The following SPATA31F3 variants were observed in gnomAD, a reference collection of about 807,000 sequenced individuals.
SPATA31F3 encodes protein SPATA31F3.
At chr9:34,892,818 CT>C in the SPATA31F3 span, 1 of 676,236 alleles carries the variant, frequency 1.5e-6, no homozygotes, top group South Asian at 1.6e-5. Context: ...GCCCAGGAAT[CT>C]TGGACGCTGT....
chr9:34,894,369 A>G, the SPATA31F3 span: 2 of 398,088 alleles, frequency 5.0e-6, no homozygotes, highest in Non-Finnish European at 8.9e-6. Context: ...TCTCATCTCT[A>G]CCCCAAGCCA....
chr9:34,891,059 G>C, the SPATA31F3 span, among the ~76,000 whole-genome samples: 1 of 152,170 alleles, frequency 6.6e-6, no homozygotes, highest in Non-Finnish European at 1.5e-5. Context: ...ACATAATAGA[G>C]AGCAGGCAGC....
the SPATA31F3 span, chr9:34,893,066 TC>T: frequency 1.0e-6 from 1 of 969,952 alleles, no homozygotes; most frequent in Non-Finnish European, 1.5e-6. Context: ...TTGCTTAATC[TC>T]CAGAGCCATA....
the SPATA31F3 span, among the ~76,000 whole-genome samples, chr9:34,895,408 A>G: frequency 1.3e-5 from 2 of 152,214 alleles, no homozygotes; most frequent in African/African-American, 4.8e-5. Flanking sequence ...TCAGCCATCA[A>G]ATGGCCCTAA....
At chr9:34,890,490 G>A in the SPATA31F3 span, among the ~76,000 whole-genome samples, 1 of 152,226 alleles carries the variant, frequency 6.6e-6, no homozygotes, top group Non-Finnish European at 1.5e-5. Context: ...CAGAATCCCA[G>A]TGGGCATGGG....
the SPATA31F3 span, chr9:34,892,782 A>G: frequency 1.7e-6 from 1 of 577,822 alleles, no homozygotes; most frequent in South Asian, 2.4e-5. Flanking sequence ...GGGACTTGAG[A>G]TCTCTGTCCT....
chr9:34,890,678 C>T, the SPATA31F3 span, among the ~76,000 whole-genome samples: 1 of 152,214 alleles, frequency 6.6e-6, no homozygotes, highest in Admixed American at 6.5e-5. Flanking sequence ...CCTAAAGGAT[C>T]CCTGTGTGGA....
At chr9:34,890,275 C>T in the SPATA31F3 span, among the ~76,000 whole-genome samples, 4 of 152,210 alleles carry the variant, frequency 2.6e-5, no homozygotes, top group Non-Finnish European at 4.4e-5. Context: ...CAGACACCCC[C>T]TTCTCTGTGA....
the SPATA31F3 span, among the ~76,000 whole-genome samples, chr9:34,890,578 A>G: frequency 4.6e-5 from 7 of 152,046 alleles, no homozygotes; most frequent in Non-Finnish European, 7.4e-5. Context: ...TTTCAGTCCA[A>G]CCCCTTCTGG....
chr9:34,891,602 GATC>G, the SPATA31F3 span, among the ~76,000 whole-genome samples: 1 of 152,186 alleles, frequency 6.6e-6, no homozygotes, highest in Non-Finnish European at 1.5e-5. Context: ...GGATCTTTTG[GATC>G]AGGTCCCAGC....
the SPATA31F3 span, chr9:34,894,915 G>C: frequency 2.5e-6 from 1 of 396,662 alleles, no homozygotes; most frequent in East Asian, 3.6e-5. Context: ...AATTGTCCCT[G>C]GGGGGTACTA....
chr9:34,890,117 G>A, the SPATA31F3 span, among the ~76,000 whole-genome samples: 2 of 152,160 alleles, frequency 1.3e-5, no homozygotes, highest in African/African-American at 4.8e-5. Flanking sequence ...AACCATCTTA[G>A]CTAAACTAAA....
chr9:34,893,504 G>A, the SPATA31F3 span, among the ~76,000 whole-genome samples: 6 of 152,186 alleles, frequency 3.9e-5, no homozygotes, highest in East Asian at 1.9e-4. Context: ...GGGAGGCAGA[G>A]GTAGGAGAGT....
At chr9:34,892,777 T>C in the SPATA31F3 span, 3 of 576,536 alleles carry the variant, frequency 5.2e-6, no homozygotes, top group Admixed American at 8.2e-5. Context: ...CAGCTGGGAC[T>C]TGAGATCTCT....
At chr9:34,889,340 G>A in the SPATA31F3 span, 2 of 398,570 alleles carry the variant, frequency 5.0e-6, no homozygotes, top group Admixed American at 4.4e-5. Flanking sequence ...CTGGACTGAA[G>A]GGAGTGTTGC....
chr9:34,893,549 C>T, the SPATA31F3 span, among the ~76,000 whole-genome samples: 7 of 151,112 alleles, frequency 4.6e-5, no homozygotes, highest in African/African-American at 7.3e-5. Context: ...TGCAGTGAGC[C>T]GAGATTGTGC....
the SPATA31F3 span, among the ~76,000 whole-genome samples, chr9:34,893,993 A>T: frequency 5.4e-3 from 824 of 152,314 alleles, 7 homozygotes; most frequent in African/African-American, 0.018. Context: ...GGATAAGATG[A>T]TAGGCTGCCA....
At chr9:34,893,238 TCCCAGTCCTGAA>T in the SPATA31F3 span, 1 of 443,536 alleles carries the variant, frequency 2.3e-6, no homozygotes, top group Non-Finnish European at 4.0e-6. Context: ...CATTGTCCTT[TCCCAGTCCTGAA>T]AATCCTGGAG....
At chr9:34,893,643 T>C in the SPATA31F3 span, among the ~76,000 whole-genome samples, 1 of 151,822 alleles carries the variant, frequency 6.6e-6, no homozygotes, top group East Asian at 1.9e-4. Context: ...AAAAAGCCAT[T>C]TGGCAAGGTG....
Sources: allele counts gnomAD v4.1 joint callset (sites outside exome capture counted in the v4.1 genomes callset), GRCh38; gene constraint gnomAD v4.1.1; transcripts MANE v1.5; gene names NCBI Gene and HGNC (gene_info 2026-07-23, HGNC 2026-07-21).